The following RXRG variants were observed in gnomAD, a reference collection of about 807,000 sequenced individuals.
The protein encoded by RXRG is retinoic acid receptor RXR-gamma.
RXRG carries 19 observed loss-of-function variants against 49.2 expected under a neutral mutation model. That is an observed-to-expected ratio of 0.39 (90% CI 0.27 to 0.57). The LOEUF is 0.57. RXRG is among the 20% of genes least tolerant of loss of function. RXRG has a pLI of 0.64. For missense variants in RXRG, 452 were observed against 592.5 expected (o/e 0.76, Z 2.46); for synonymous variants, 224 against 216.6 (o/e 1.03, Z -0.30).
At chr1:165,417,363 G>A (rs1297862979) in intron 3 of RXRG, 143 bp from the exon 4 acceptor site, 2 of 680,894 alleles carry the variant, frequency 2.9e-6, no homozygotes, top group East Asian at 2.7e-5. Context: ...CACTAGCAGA[G>A]AATGCAGGCT....
chr1:165,418,110 CAAAAAAAA>C (rs57782668), intron 3 of RXRG, among the ~76,000 whole-genome samples: 1 of 73,856 alleles, frequency 1.4e-5, no homozygotes, highest in Admixed American at 1.7e-4. Context: ...GATCCCGTCT[CAAAAAAAA>C]AAAAAAAAAA....
At chr1:165,410,470 T>C (rs900404370) in intron 6 of RXRG, among the ~76,000 whole-genome samples, 10 of 152,342 alleles carry the variant, frequency 6.6e-5, no homozygotes, top group African/African-American at 2.4e-4. Flanking sequence ...TTTAATAGTC[T>C]TTTTAAAATT....
At chr1:165,404,515 A>G (rs866186182) in intron 9 of RXRG, among the ~76,000 whole-genome samples, 1 of 152,278 alleles carries the variant, frequency 6.6e-6, no homozygotes, top group Non-Finnish European at 1.5e-5. Context: ...ACTGCAAAAT[A>G]TTACAAAACC....
At chr1:165,404,694 G>A (rs1657690812) in intron 9 of RXRG, among the ~76,000 whole-genome samples, 1 of 152,006 alleles carries the variant, frequency 6.6e-6, no homozygotes, top group Non-Finnish European at 1.5e-5. Flanking sequence ...ATAGATACAC[G>A]ACAACACTGG....
chr1:165,434,272 A>ATGTGTGTGTGTGTGTG (rs1491272318), intron 1 of RXRG, among the ~76,000 whole-genome samples: 808 of 66,750 alleles, frequency 0.012, 10 homozygotes, highest in East Asian at 0.054. Flanking sequence ...AATGAATTGC[A>ATGTGTGTGTGTGTGTG]TGTGTGTATG....
chr1:165,426,496 A>G (rs1287881644), intron 2 of RXRG, among the ~76,000 whole-genome samples: 1 of 152,114 alleles, frequency 6.6e-6, no homozygotes, highest in Non-Finnish European at 1.5e-5. Context: ...TAATCTATGG[A>G]GCAATACATT....
rs1349676214 is a variant in RXRG at position 165,410,675 on chromosome 1, G to A, written c.913+27C>T. ...CAAGAGCAATTTCAAAATTGTCCCA[G>A]GAAAAAAGGCAGCCAATGTGCTTTA... is the stretch of plus-strand genomic sequence containing the variant. On this transcript the variant is annotated intron_variant, in intron 6 of 9. Coordinates refer to ENST00000359842, the MANE Select transcript of RXRG (RefSeq NM_006917.5). 4 of 1,610,892 alleles carry A rather than the reference G, an allele frequency of 2.5e-6. No homozygotes were observed. In the Admixed American group the frequency reaches 6.7e-5, roughly 27 times the overall value.
chr1:165,425,668 T>A (rs1038877125), intron 2 of RXRG, among the ~76,000 whole-genome samples: 5 of 152,036 alleles, frequency 3.3e-5, no homozygotes, highest in Admixed American at 6.5e-5. Context: ...TGGGTGGGGG[T>A]GGCATAAATA....
intron 2 of RXRG, among the ~76,000 whole-genome samples, chr1:165,421,606 T>C (rs908040821): frequency 6.6e-6 from 1 of 151,392 alleles, no homozygotes; most frequent in African/African-American, 2.4e-5. Flanking sequence ...CTCAGCTCAC[T>C]GCAAACTTCA....
chr1:165,425,043 G>T (rs934509624), intron 2 of RXRG: 1 of 760,908 alleles, frequency 1.3e-6, no homozygotes, highest in Non-Finnish European at 1.6e-6. Flanking sequence ...CTTGGCCTTG[G>T]CCTCTGCACA....
intron 1 of RXRG, among the ~76,000 whole-genome samples, chr1:165,431,140 T>A (rs1658659634): frequency 6.6e-6 from 1 of 152,228 alleles, no homozygotes; most frequent in Admixed American, 6.5e-5. Context: ...CCCAGGTAGT[T>A]AGTGGCAAAG....
intron 8 of RXRG, among the ~76,000 whole-genome samples, 162 bp from the exon 9 acceptor site, chr1:165,407,079 G>A (rs1043476256): frequency 6.6e-6 from 1 of 152,122 alleles, no homozygotes; most frequent in Non-Finnish European, 1.5e-5. Flanking sequence ...TCTTCTTTCT[G>A]TGCCCAATTT....
At chr1:165,418,197 GTC>G (rs1658193998) in intron 3 of RXRG, among the ~76,000 whole-genome samples, 1 of 146,646 alleles carries the variant, frequency 6.8e-6, no homozygotes, top group Non-Finnish European at 1.5e-5. Flanking sequence ...CTTATTACCT[GTC>G]CACACATGCA....
intron 9 of RXRG, among the ~76,000 whole-genome samples, chr1:165,404,370 T>C (rs1657677580): frequency 6.6e-6 from 1 of 152,204 alleles, no homozygotes; most frequent in Non-Finnish European, 1.5e-5. Context: ...CCCCAGAGTG[T>C]GGAGGCAGCC....
chr1:165,423,526 T>G (rs1658390087), intron 2 of RXRG, among the ~76,000 whole-genome samples: 1 of 152,208 alleles, frequency 6.6e-6, no homozygotes, highest in Non-Finnish European at 1.5e-5. Flanking sequence ...GCACTCCCGT[T>G]CCAGGGAGCA....
Position 165,408,251 on chromosome 1 carries a change from G to A in RXRG, c.1114C>T (p.Arg372Ter), listed in dbSNP as rs17847949. 3.7e-6 allele frequency: 6 copies of A among 1,613,746 alleles called. No individual in the cohort carries two copies. The highest frequency in any genetic ancestry group is 2.2e-5 in the East Asian group (1 of 44,886). ...QMDKSELGCL[R>*]AIVLFNPDAK... The stretch of plus-strand genomic sequence containing the variant: ...CCTGGGTTAAAGAGTACAATGGCTC[G>A]CAGGCATCCCAGTTCCGACTTGTCC... Residue 372 changes from arginine (R) to a stop codon, truncating the protein, a stop_gained, in exon 8 of 10, where the codon CGA becomes TGA. Transcript: ENST00000359842. LOFTEE classifies it high-confidence loss of function.
intron 1 of RXRG, among the ~76,000 whole-genome samples, chr1:165,442,978 G>A (rs749858798): frequency 2.6e-5 from 4 of 152,108 alleles, no homozygotes; most frequent in Non-Finnish European, 5.9e-5. Flanking sequence ...ATTTGAGTAA[G>A]GGCTTTTCTG....
chr1:165,426,928 G>GA (rs557562419), intron 2 of RXRG, among the ~76,000 whole-genome samples: 45 of 151,834 alleles, frequency 3.0e-4, no homozygotes, highest in African/African-American at 8.0e-4. Flanking sequence ...TCAGAGACAG[G>GA]AAAAAAAATG....
Position 165,404,768 on chromosome 1 carries a change from T to C in RXRG, c.1244+2044A>G, listed in dbSNP as rs184042204. Among the ~76,000 whole-genome samples, 695 of 152,306 alleles carry C rather than the reference T, an allele frequency of 4.6e-3. 3 individuals carry two copies. The highest frequency in any genetic ancestry group is 9.3e-3 in the Admixed American group (142 of 15,302). On this transcript the variant is annotated intron_variant, in intron 9 of 9. Transcript: ENST00000359842. ...ACCTGTTTTTTGTTTTTGTTTTTGT[T>C]TTTGTTTTTGATGGAGTTTCGCTCT...
Sources: gnomAD v4.1 joint callset for allele counts (sites outside exome capture counted in the v4.1 genomes callset) on GRCh38, gnomAD v4.1.1 for gene constraint, MANE v1.5 for transcripts, NCBI Gene and HGNC (gene_info 2026-07-23, HGNC 2026-07-21) for gene names.